Variants in SNIP1 observed in about 807,000 individuals in gnomAD.
SNIP1 encodes the protein smad nuclear-interacting protein 1.
SNIP1 carries 23 observed loss-of-function variants against 37.4 expected under a neutral mutation model. The ratio of observed to expected loss-of-function variants is 0.61; its 90% CI spans 0.44 to 0.87. The LOEUF (loss-of-function observed/expected upper bound fraction) is 0.87, where lower values mean the gene tolerates loss of function less well. Among genes scored for constraint, SNIP1 ranks in the 40% least tolerant of loss-of-function variants. The pLI, the probability that SNIP1 is intolerant of heterozygous loss-of-function variation, is 0.00. For synonymous variants in SNIP1, 174 were observed against 200.0 expected, an observed-to-expected ratio of 0.87 and a Z score of 1.10; for missense variants, 459 against 540.4, an observed-to-expected ratio of 0.85 and a Z score of 1.49.
intron 2 of SNIP1, chr1:37,544,742 A>C (rs1643212155): frequency 3.0e-6 from 2 of 669,184 alleles, no homozygotes; most frequent in Admixed American, 2.0e-5. Context: ...CCACCGCCGC[A>C]CAGCCACCGT....
At chr1:37,538,960 A>G (rs557669420) in intron 3 of SNIP1, among the ~76,000 whole-genome samples, 5 of 152,268 alleles carry the variant, frequency 3.3e-5, no homozygotes, top group African/African-American at 1.2e-4. Flanking sequence ...CAGTGGCATT[A>G]GAGTCTCGTA....
rs7517635 is a variant in SNIP1, at chr1:37,547,281, C to T, written c.327+5364G>A. 4.3e-3 allele frequency among the ~76,000 whole-genome samples: 662 copies of T among 152,216 alleles called. 1 individual carries two copies. The highest frequency in any genetic ancestry group is 0.015 in the African/African-American group (641 of 41,542). On this transcript the variant is annotated intron_variant, in intron 2 of 3. Transcript: ENST00000296215. ...GGCCATGTGATGATGGACAGAGAGT[C>T]TATATCATAGTGATTACCTCTGGCA...
In SNIP1 at chr1:37,546,153, C is replaced by A. The variant is rs373642419; in HGVS notation, c.328-5398G>T. Among the ~76,000 whole-genome samples, 162 of 150,168 alleles carry A rather than the reference C, an allele frequency of 1.1e-3. 3 individuals carry two copies. In the East Asian group the frequency reaches 0.021, roughly 20 times the overall value. Reference sequence around the variant, plus strand: ...GAAGCACTGGGACTAAGACCCCCCCCCCCCCCGCTCCCTGCCATACACAGG... The same window carrying A: ...GAAGCACTGGGACTAAGACCCCCCCACCCCCCGCTCCCTGCCATACACAGG... On this transcript the variant is annotated intron_variant, in intron 2 of 3. Coordinates refer to ENST00000296215, the MANE Select transcript of SNIP1 (RefSeq NM_024700.4).
intron 2 of SNIP1, chr1:37,544,940 G>C (rs971548104): frequency 9.4e-5 from 85 of 901,146 alleles, no homozygotes; most frequent in Non-Finnish European, 1.5e-4. Context: ...TGAGGAGAGG[G>C]AACATGCCAA....
intron 1 of SNIP1, 22 bp from the exon 2 acceptor site, chr1:37,552,769 G>C: frequency 6.3e-7 from 1 of 1,590,654 alleles, no homozygotes; most frequent in African/African-American, 1.3e-5. Context: ...ATGGTACACA[G>C]GATTTTATCG....
chr1:37,553,322 A>C (rs1003943960), intron 1 of SNIP1, among the ~76,000 whole-genome samples: 1 of 152,212 alleles, frequency 6.6e-6, no homozygotes, highest in African/African-American at 2.4e-5. Flanking sequence ...CTCTTTAGAG[A>C]GTCCTCCTCC....
At position 37,540,345 on chromosome 1, in the gene SNIP1, A is replaced by G; in HGVS notation, c.738T>C (p.Tyr246=). 1 of 1,614,152 alleles carries G rather than the reference A, an allele frequency of 6.2e-7. No homozygotes were observed. Among genetic ancestry groups the G allele is most frequent in the Non-Finnish European group, 8.5e-7 (1 of 1,180,018 alleles). ...TNTFRGVVIK[Y]SEPPEARIPK... ...GGATACGTGCTTCTGGGGGCTCACT[A>G]TATTTAATGACTACACCCCGGAAAG... Residue 246 remains tyrosine, a synonymous_variant, in exon 3 of 4, where the codon TAT becomes TAC. Transcript: ENST00000296215. The surrounding 1 kb of genome is among the most constrained non-coding windows in gnomAD (Gnocchi z 5.6).
intron 2 of SNIP1, among the ~76,000 whole-genome samples, chr1:37,549,437 C>T (rs1372800940): frequency 1.3e-5 from 2 of 152,198 alleles, no homozygotes; most frequent in Non-Finnish European, 2.9e-5. Flanking sequence ...TCAGATCTCA[C>T]TCTGTCGCCC....
chr1:37,543,964 A>G (rs1643200734), intron 2 of SNIP1, among the ~76,000 whole-genome samples: 1 of 151,750 alleles, frequency 6.6e-6, no homozygotes, highest in South Asian at 2.1e-4. Flanking sequence ...CCTGGTCAAC[A>G]TGGTGAAACC....
At chr1:37,547,394 C>A (rs926915346) in intron 2 of SNIP1, among the ~76,000 whole-genome samples, 1 of 152,098 alleles carries the variant, frequency 6.6e-6, no homozygotes, top group Non-Finnish European at 1.5e-5. Context: ...ATTTTACATA[C>A]CTCTGTATTA....
At chr1:37,549,878 G>A (rs1426725940) in intron 2 of SNIP1, among the ~76,000 whole-genome samples, 1 of 152,160 alleles carries the variant, frequency 6.6e-6, no homozygotes, top group Non-Finnish European at 1.5e-5. Context: ...GTGTGGTATT[G>A]GCAGAGTGAC....
rs995285439 is a variant in SNIP1 at position 37,540,536 on chromosome 1, T to C, written c.547A>G (p.Asn183Asp). 2 of 1,613,920 alleles carry C rather than the reference T, an allele frequency of 1.2e-6. No homozygotes were observed. Among genetic ancestry groups the C allele is most frequent in the Admixed American group, 1.7e-5 (1 of 59,984 alleles). ...QAQEEEREFY[N>D]ARRREHRQRN... Reference sequence around the variant, plus strand: ...TGGCGATGCTCCCGTCGCCTGGCATTATAAAACTCCCGCTCTTCTTCCTGA... The same window carrying C: ...TGGCGATGCTCCCGTCGCCTGGCATCATAAAACTCCCGCTCTTCTTCCTGA... Residue 183 changes from asparagine (N) to aspartate (D), a missense_variant, in exon 3 of 4, where the codon AAT (asparagine) becomes GAT (aspartate). Physicochemically the swap from Asn to Asp is conservative, Grantham distance 23. Coordinates refer to ENST00000296215, the MANE Select transcript of SNIP1 (RefSeq NM_024700.4). This position sits in a 1 kb window ranked among gnomAD's most constrained non-coding sequence, Gnocchi z 5.6.
At chr1:37,549,777 A>T (rs989205649) in intron 2 of SNIP1, among the ~76,000 whole-genome samples, 8 of 152,176 alleles carry the variant, frequency 5.3e-5, no homozygotes, top group Non-Finnish European at 7.3e-5. Context: ...GAAGCTGAAT[A>T]GCTAAAGCAA....
At position 37,535,200 on chromosome 1, in the gene SNIP1, T is replaced by G. The variant is rs576136899; in HGVS notation, c.*2548A>C. 1 of 95,792 alleles carries G rather than the reference T, an allele frequency of 1.0e-5. No individual in the cohort carries two copies. 5.9% of individuals were successfully genotyped at this position (95,792 alleles called of 1,614,324 possible). On this transcript the variant is annotated 3_prime_UTR_variant, in exon 4 of 4. Transcript: ENST00000296215. Reference sequence around the variant, plus strand: ...GCCTGGCCAATATGGTGAAACCCCATCTCTACTAAAAAAAAATAAAAAATA... The same window carrying G: ...GCCTGGCCAATATGGTGAAACCCCAGCTCTACTAAAAAAAAATAAAAAATA...
At chr1:37,546,298 A>G (rs1003976812) in intron 2 of SNIP1, among the ~76,000 whole-genome samples, 8 of 152,134 alleles carry the variant, frequency 5.3e-5, no homozygotes, top group Admixed American at 5.2e-4. Context: ...CAAAACATTT[A>G]CAAGCTTGCC....
At chr1:37,546,758 C>CCT (rs930975870) in intron 2 of SNIP1, among the ~76,000 whole-genome samples, 23 of 152,270 alleles carry the variant, frequency 1.5e-4, no homozygotes, top group African/African-American at 5.1e-4. Flanking sequence ...CCCTTGAACC[C>CCT]CTCCAATCAG....
chr1:37,547,349 G>A (rs574016173), intron 2 of SNIP1, among the ~76,000 whole-genome samples: 1 of 152,252 alleles, frequency 6.6e-6, no homozygotes, highest in Admixed American at 6.5e-5. Flanking sequence ...GTGCAATTTT[G>A]GGGACGAGAG....
chr1:37,537,625 T>C lies in SNIP1; in HGVS notation c.*123A>G. ...TCTGGTCAGCAACAGAGGAAAGACTTAAGGCAGTAAGAGGCATTACAGAGA... is the reference window on the plus strand; with the variant it reads ...TCTGGTCAGCAACAGAGGAAAGACTCAAGGCAGTAAGAGGCATTACAGAGA... On this transcript the variant is annotated 3_prime_UTR_variant, in exon 4 of 4. Coordinates refer to ENST00000296215, the MANE Select transcript of SNIP1 (RefSeq NM_024700.4). 1 of 1,022,372 alleles carries C rather than the reference T, an allele frequency of 9.8e-7. No individual in the cohort carries two copies. The highest frequency in any genetic ancestry group is 1.6e-5 in the South Asian group (1 of 63,070). 63.3% of individuals were successfully genotyped at this position (1,022,372 alleles called of 1,614,324 possible). A position where few individuals can be genotyped will look rare whatever the true frequency, so the allele number is the denominator to read the frequency against.
At chr1:37,538,246 C>T (rs1016260075) in intron 3 of SNIP1, among the ~76,000 whole-genome samples, 6 of 152,144 alleles carry the variant, frequency 3.9e-5, no homozygotes, top group Non-Finnish European at 7.3e-5. Flanking sequence ...CGGTGGCTCA[C>T]GCCTGTAATC....
Sources: allele counts gnomAD v4.1 joint callset (sites outside exome capture counted in the v4.1 genomes callset), GRCh38; gene constraint gnomAD v4.1.1; non-coding constraint Gnocchi (gnomAD v3.1); transcripts MANE v1.5; gene names NCBI Gene and HGNC (gene_info 2026-07-23, HGNC 2026-07-21).